ARHGAP18: variants seen among roughly 807,000 people sequenced by gnomAD.
The protein encoded by ARHGAP18 is Rho GTPase activating protein 18, also known as rho GTPase-activating protein 18.
In ARHGAP18, 67 loss-of-function variants were observed where a neutral mutation model predicts 86.2. The observed-to-expected ratio is 0.78, with a 90% confidence interval of 0.64 to 0.95. The LOEUF (loss-of-function observed/expected upper bound fraction) is 0.95. Ranked by LOEUF, ARHGAP18 falls within the 40% of genes least tolerant of loss-of-function variation. The probability of loss-of-function intolerance (pLI) is 0.00; values close to 1 mark genes in which losing one functional copy is unlikely to be tolerated. For missense variants in ARHGAP18, 691 were observed against 780.4 expected (o/e 0.89, Z 1.37); for synonymous variants, 283 against 280.4 (o/e 1.01, Z -0.09).
Position 129,577,213 on chromosome 6 carries a change from T to TA in ARHGAP18, c.*1299dup. On this transcript the variant is annotated 3_prime_UTR_variant, in exon 15 of 15. Transcript: ENST00000368149. The stretch of plus-strand genomic sequence containing the variant: ...ACAGGCTGTTCTTGTAATTATATGC[T>TA]AAAAATTTATGACTGTTCTCATTAA... The TA allele has an allele frequency of 6.6e-6, 1 of 152,304 alleles. No homozygotes were observed. The highest frequency in any genetic ancestry group is 6.5e-5 in the Admixed American group (1 of 15,300). 9.4% of individuals were successfully genotyped at this position (152,304 alleles called of 1,614,324 possible).
rs555610763 is a variant in ARHGAP18 at position 129,607,947 on chromosome 6, A to T, written c.1228T>A (p.Leu410Met). The T allele has an allele frequency of 6.2e-7, 1 of 1,613,492 alleles. No individual in the cohort carries two copies. Among genetic ancestry groups the T allele is most frequent in the South Asian group, 1.1e-5 (1 of 91,038 alleles). Residue 410 changes from leucine to methionine, a missense_variant, in exon 9 of 15, where the codon TTG becomes ATG. Coordinates refer to ENST00000368149, the MANE Select transcript of ARHGAP18 (RefSeq NM_033515.3). ...ASLLKLFIRELPQPLLSVEYL... is the reference protein window; with the variant it reads ...ASLLKLFIREMPQPLLSVEYL... Reference sequence around the variant, plus strand: ...TCCACACTGAGCAGTGGCTGGGGCAACTCCCGAATGAAGAGCTTCAGCAGG... The same window carrying T: ...TCCACACTGAGCAGTGGCTGGGGCATCTCCCGAATGAAGAGCTTCAGCAGG...
chr6:129,656,019 A>T (rs1773827639), intron 1 of ARHGAP18, among the ~76,000 whole-genome samples: 1 of 152,258 alleles, frequency 6.6e-6, no homozygotes, highest in Non-Finnish European at 1.5e-5. Flanking sequence ...CAATGTTTTG[A>T]TGGAGTGATA....
intron 10 of ARHGAP18, among the ~76,000 whole-genome samples, chr6:129,604,235 G>A (rs1041580913): frequency 4.2e-5 from 6 of 144,520 alleles, no homozygotes; most frequent in African/African-American, 1.5e-4. Context: ...TTATCTTTCC[G>A]ATAGCCTCAT....
intron 7 of ARHGAP18, among the ~76,000 whole-genome samples, chr6:129,615,979 A>G (rs1019853497): frequency 1.3e-5 from 2 of 152,224 alleles, no homozygotes; most frequent in African/African-American, 2.4e-5. Flanking sequence ...GCCAGCTAAT[A>G]TAAGACAGGA....
rs1289069948 is a variant in ARHGAP18 at position 129,624,968 on chromosome 6, T to TATATTTATATATAATATATATTATATATG, written c.786+4356_786+4384dup. Among the ~76,000 whole-genome samples, 72 of 125,444 alleles carry TATATTTATATATAATATATATTATATATG rather than the reference T, an allele frequency of 5.7e-4. 2 individuals carry two copies. Among genetic ancestry groups the TATATTTATATATAATATATATTATATATG allele is most frequent in the African/African-American group, 2.0e-3 (69 of 34,030 alleles). The allele number at this position is 125,444 out of a possible 152,430, so 82.3% of individuals were successfully genotyped here. On this transcript the variant is annotated intron_variant, in intron 5 of 14. Transcript: ENST00000368149. ...TTCAAAAATATATATATATATGATA[T>TATATTTATATATAATATATATTATATATG]ATATTTATATATAATATATATTATA... is the stretch of plus-strand genomic sequence containing the variant.
chr6:129,585,458 A>T (rs1190075828), intron 12 of ARHGAP18, among the ~76,000 whole-genome samples: 1 of 152,202 alleles, frequency 6.6e-6, no homozygotes, highest in Non-Finnish European at 1.5e-5. Context: ...GTAATATCAG[A>T]GATTTAGTGT....
At chr6:129,698,533 CT>C (rs59159724) in intron 1 of ARHGAP18, among the ~76,000 whole-genome samples, 57,796 of 137,880 alleles carry the variant, frequency 0.42, 11,549 homozygotes, top group Middle Eastern at 0.48. Flanking sequence ...TGTTAAAGCA[CT>C]TTTTTTTTTT....
At chr6:129,625,592 TTTATATA>T (rs1178500755) in intron 5 of ARHGAP18, among the ~76,000 whole-genome samples, 2 of 69,090 alleles carry the variant, frequency 2.9e-5, no homozygotes, top group East Asian at 9.3e-4. Flanking sequence ...ATATTATATA[TTTATATA>T]TTATATATTA....
rs1362051795 is a variant in ARHGAP18 at position 129,649,978 on chromosome 6, T to C, written c.114-7960A>G. Among the ~76,000 whole-genome samples, 2 of 149,684 alleles carry C rather than the reference T, an allele frequency of 1.3e-5. 1 individual carries two copies. Among genetic ancestry groups the C allele is most frequent in the Non-Finnish European group, 3.0e-5 (2 of 67,690 alleles). On this transcript the variant is annotated intron_variant, in intron 1 of 14. Transcript: ENST00000368149. ...TCCAGGCTGTAGTGCAATGGCGTGA[T>C]CTCGGCTCACCACAACCTCCACCTC...
chr6:129,633,927 A>T, intron 4 of ARHGAP18, 115 bp downstream of exon 4: 1 of 890,734 alleles, frequency 1.1e-6, no homozygotes, highest in Non-Finnish European at 1.7e-6. Flanking sequence ...ACCTTACATT[A>T]ACATTTTAAT....
At chr6:129,622,226 T>C (rs1443658331) in intron 5 of ARHGAP18, among the ~76,000 whole-genome samples, 1 of 152,220 alleles carries the variant, frequency 6.6e-6, no homozygotes, top group Non-Finnish European at 1.5e-5. Flanking sequence ...TGATTTCTAC[T>C]GAGTTTTCCT....
chr6:129,620,882 G>A (rs137965728), intron 5 of ARHGAP18, among the ~76,000 whole-genome samples: 7 of 152,030 alleles, frequency 4.6e-5, no homozygotes, highest in Non-Finnish European at 7.4e-5. Flanking sequence ...TCATTCTCTC[G>A]TGAGTATAGT....
chr6:129,688,590 CAAGACCAGCCTGACCA>C (rs1340553043), intron 1 of ARHGAP18, among the ~76,000 whole-genome samples: 1 of 152,084 alleles, frequency 6.6e-6, no homozygotes, highest in Non-Finnish European at 1.5e-5. Context: ...GTCAGGAGTT[CAAGACCAGCCTGACCA>C]ACATGGTGAA....
Position 129,578,454 on chromosome 6 carries a change from T to C in ARHGAP18, c.*59A>G, listed in dbSNP as rs1038505965. On this transcript the variant is annotated 3_prime_UTR_variant, in exon 15 of 15. Coordinates refer to ENST00000368149, the MANE Select transcript of ARHGAP18 (RefSeq NM_033515.3). ...CCTGCCATTTCTTTTATTTACACTC[T>C]TGACTCAGCAAGAATTATGACAGAA... 2.1e-6 allele frequency: 3 copies of C among 1,397,394 alleles called. No individual in the cohort carries two copies. The highest frequency in any genetic ancestry group is 3.0e-6 in the Non-Finnish European group (3 of 993,138). 86.6% of individuals were successfully genotyped at this position (1,397,394 alleles called of 1,614,324 possible).
chr6:129,597,379 A>G (rs1788635295), intron 12 of ARHGAP18, among the ~76,000 whole-genome samples: 1 of 152,128 alleles, frequency 6.6e-6, no homozygotes, highest in Admixed American at 6.6e-5. Context: ...CCAAAATGAC[A>G]GGCCAAACAG....
chr6:129,662,378 C>G (rs1261490576), intron 1 of ARHGAP18, among the ~76,000 whole-genome samples: 1 of 151,914 alleles, frequency 6.6e-6, no homozygotes, highest in Non-Finnish European at 1.5e-5. Context: ...TAAACACACT[C>G]TCTCCTTTTG....
intron 2 of ARHGAP18, among the ~76,000 whole-genome samples, chr6:129,639,837 G>T (rs890365812): frequency 6.6e-6 from 1 of 151,988 alleles, no homozygotes; most frequent in African/African-American, 2.4e-5. Context: ...TTGAGGTCAG[G>T]AGTTCGAGAC....
At chr6:129,657,645 A>G (rs957663066) in intron 1 of ARHGAP18, among the ~76,000 whole-genome samples, 1 of 152,198 alleles carries the variant, frequency 6.6e-6, no homozygotes, top group Non-Finnish European at 1.5e-5. Context: ...TTACTGTGGA[A>G]GGCCATTCAC....
chr6:129,657,840 T>C (rs2114515940), intron 1 of ARHGAP18, among the ~76,000 whole-genome samples: 1 of 152,324 alleles, frequency 6.6e-6, no homozygotes, highest in African/African-American at 2.4e-5. Flanking sequence ...CGATGGAGTA[T>C]GCATGACAGA....
Sources: gnomAD v4.1 joint callset for allele counts (sites outside exome capture counted in the v4.1 genomes callset) on GRCh38, gnomAD v4.1.1 for gene constraint, MANE v1.5 for transcripts, NCBI Gene and HGNC (gene_info 2026-07-23, HGNC 2026-07-21) for gene names.